The following ADGRB3 variants were observed in gnomAD, a reference collection of about 807,000 sequenced individuals.
The protein encoded by ADGRB3 is brain-specific angiogenesis inhibitor 3.
A neutral mutation model predicts 193.4 loss-of-function variants in ADGRB3; 37 were observed. That is an observed-to-expected ratio of 0.19 (90% CI 0.15 to 0.25). The LOEUF (loss-of-function observed/expected upper bound fraction) is 0.25, where lower values mean the gene tolerates loss of function less well. Among genes scored for constraint, ADGRB3 ranks in the 10% least tolerant of loss-of-function variants. ADGRB3 has a pLI of 1.00. For missense variants in ADGRB3, 1,637 were observed against 1,852.9 expected, an observed-to-expected ratio of 0.88 and a Z score of 2.14; for synonymous variants, 690 against 644.2, an observed-to-expected ratio of 1.07 and a Z score of -1.08.
chr6:68,919,268 A>G (rs1226106850), intron 3 of ADGRB3, among the ~76,000 whole-genome samples: 4 of 152,164 alleles, frequency 2.6e-5, no homozygotes, highest in Non-Finnish European at 5.9e-5. Flanking sequence ...TGCTCAAATT[A>G]TTTTTAATTT....
chr6:68,939,319 A>G (rs918685513), intron 5 of ADGRB3, among the ~76,000 whole-genome samples: 2 of 152,194 alleles, frequency 1.3e-5, no homozygotes, highest in Non-Finnish European at 2.9e-5. Context: ...TAACTCCCAC[A>G]TGCTTAGTGT....
At chr6:69,083,676 A>G (rs1772460964) in intron 17 of ADGRB3, among the ~76,000 whole-genome samples, 1 of 151,642 alleles carries the variant, frequency 6.6e-6, no homozygotes, top group African/African-American at 2.4e-5. Context: ...TCCACCATTC[A>G]TTTTTACAAT....
chr6:68,680,159 A>T (rs1764862214), intron 3 of ADGRB3, among the ~76,000 whole-genome samples: 1 of 152,144 alleles, frequency 6.6e-6, no homozygotes, highest in Admixed American at 6.5e-5. Flanking sequence ...TGAGAAATAA[A>T]TTTCTGTCAT....
At chr6:68,893,461 A>AATGAGGG (rs1766134865) in intron 3 of ADGRB3, among the ~76,000 whole-genome samples, 1 of 151,794 alleles carries the variant, frequency 6.6e-6, no homozygotes, top group African/African-American at 2.4e-5. Context: ...TTTCCTTAGC[A>AATGAGGG]TTCAAAATGA....
At chr6:69,349,713 G>C (rs892475726) in intron 26 of ADGRB3, among the ~76,000 whole-genome samples, 1 of 152,092 alleles carries the variant, frequency 6.6e-6, no homozygotes, top group Non-Finnish European at 1.5e-5. Context: ...CTTCTCCCCC[G>C]AAGGAAAAAT....
intron 17 of ADGRB3, among the ~76,000 whole-genome samples, chr6:69,178,089 A>G (rs1020722500): frequency 4.6e-5 from 7 of 152,162 alleles, no homozygotes; most frequent in Non-Finnish European, 8.8e-5. Context: ...GTCTAGAAGT[A>G]CTTGTTTTAT....
chr6:69,048,011 C>G (rs1182371718), intron 13 of ADGRB3, among the ~76,000 whole-genome samples, 174 bp from the exon 14 acceptor site: 1 of 152,122 alleles, frequency 6.6e-6, no homozygotes, highest in Non-Finnish European at 1.5e-5. Context: ...TAAAATTCAG[C>G]AACTTTAATG....
intron 3 of ADGRB3, among the ~76,000 whole-genome samples, chr6:68,912,918 C>A (rs13210551): frequency 0.28 from 42,912 of 152,084 alleles, 6,928 homozygotes; most frequent in Middle Eastern, 0.51. Flanking sequence ...TATCCTCCAC[C>A]TGGCTCGGAG....
chr6:68,961,656 T>G (rs1257607818), intron 8 of ADGRB3, among the ~76,000 whole-genome samples: 3 of 152,144 alleles, frequency 2.0e-5, no homozygotes, highest in Admixed American at 2.0e-4. Flanking sequence ...CTGAATGTAA[T>G]CATTATTAGA....
intron 3 of ADGRB3, among the ~76,000 whole-genome samples, chr6:68,897,456 G>A (rs1316739813): frequency 6.3e-5 from 6 of 95,368 alleles, no homozygotes; most frequent in Non-Finnish European, 1.2e-4. Flanking sequence ...AAGGGAGGGA[G>A]GGAGGGAGGA....
At chr6:69,381,521 G>A (rs1241726249) in intron 30 of ADGRB3, among the ~76,000 whole-genome samples, 2 of 151,872 alleles carry the variant, frequency 1.3e-5, no homozygotes, top group Non-Finnish European at 1.5e-5. Context: ...GTATTGCCTA[G>A]ATACATATTT....
At chr6:69,013,017 C>T (rs1477052560) in intron 11 of ADGRB3, among the ~76,000 whole-genome samples, 1 of 152,060 alleles carries the variant, frequency 6.6e-6, no homozygotes, top group Non-Finnish European at 1.5e-5. Context: ...GCCACCACTG[C>T]CTATGCAACT....
At chr6:68,702,511 T>A (rs1216083056) in intron 3 of ADGRB3, among the ~76,000 whole-genome samples, 2 of 152,190 alleles carry the variant, frequency 1.3e-5, no homozygotes, top group African/African-American at 4.8e-5. Context: ...ATTAATTCAA[T>A]ATATCAAATT....
intron 3 of ADGRB3, among the ~76,000 whole-genome samples, chr6:68,835,942 A>G (rs1768037302): frequency 6.6e-6 from 1 of 152,122 alleles, no homozygotes; most frequent in Non-Finnish European, 1.5e-5. Flanking sequence ...GGATCCTGGG[A>G]CTAGGCCTAT....
chr6:69,121,085 T>C (rs1773671697), intron 17 of ADGRB3, among the ~76,000 whole-genome samples: 1 of 149,076 alleles, frequency 6.7e-6, no homozygotes, highest in South Asian at 2.1e-4. Context: ...AGGATAATAG[T>C]GGAGAGAAGG....
chr6:69,274,787 G>A (rs957402265), intron 20 of ADGRB3, among the ~76,000 whole-genome samples: 1 of 152,010 alleles, frequency 6.6e-6, no homozygotes, highest in Non-Finnish European at 1.5e-5. Flanking sequence ...GTGCTTAAAG[G>A]CCTTCTTACC....
chr6:69,061,748 A>T (rs957917340), intron 15 of ADGRB3, among the ~76,000 whole-genome samples: 1 of 44,870 alleles, frequency 2.2e-5, no homozygotes, highest in African/African-American at 4.4e-5. Context: ...AATCTCAAAA[A>T]TGTTATGCTA....
intron 28 of ADGRB3, among the ~76,000 whole-genome samples, chr6:69,358,153 C>T (rs1769373636): frequency 6.6e-6 from 1 of 151,876 alleles, no homozygotes; most frequent in Non-Finnish European, 1.5e-5. Context: ...TTTCCTCTAA[C>T]AGCTGTAACA....
At chr6:69,100,967 A>G (rs117600562) in intron 17 of ADGRB3, among the ~76,000 whole-genome samples, 27 of 71,546 alleles carry the variant, frequency 3.8e-4, no homozygotes, top group East Asian at 5.5e-4. Context: ...GGGAGGGAGA[A>G]AGGGAAGGAA....
Sources: allele counts gnomAD v4.1 joint callset (sites outside exome capture counted in the v4.1 genomes callset), GRCh38; gene constraint gnomAD v4.1.1; transcripts MANE v1.5; gene names NCBI Gene and HGNC (gene_info 2026-07-23, HGNC 2026-07-21).